FBXO16: variants seen among roughly 807,000 people sequenced by gnomAD.
The protein encoded by FBXO16 is F-box protein 16.
Under a neutral mutation model 41.0 loss-of-function variants are expected in FBXO16, and 31 were observed. That is an observed-to-expected ratio of 0.76 (90% confidence interval 0.57 to 1.02). FBXO16 has a LOEUF of 1.02. Among genes scored for constraint, FBXO16 ranks in the 50% least tolerant of loss-of-function variants. FBXO16 has a pLI of 0.00. For missense variants in FBXO16, 361 were observed against 346.2 expected (o/e 1.04, Z -0.34); for synonymous variants, 133 against 117.8 (o/e 1.13, Z -0.84).
In FBXO16 at chr8:28,456,795, C is replaced by T. The variant is rs777595836; in HGVS notation, c.478G>A (p.Val160Met). ...GGCTTGGTAATATGAAGTTCTTTCACCATTTGAATATAGTGCTTCTTCCAG... is the reference window on the plus strand; with the variant it reads ...GGCTTGGTAATATGAAGTTCTTTCATCATTTGAATATAGTGCTTCTTCCAG... Reference protein sequence around the residue: ...GIWKKHYIQMVKELHITKPKT... With the variant: ...GIWKKHYIQMMKELHITKPKT... Residue 160 changes from valine to methionine, a missense_variant, in exon 5 of 9, where the codon GTG (valine) becomes ATG (methionine). By Grantham distance (21) the Val-to-Met change is conservative. Transcript: ENST00000380254. 1 of 1,614,064 alleles carries T rather than the reference C, an allele frequency of 6.2e-7. No homozygotes were observed. The highest frequency in any genetic ancestry group is 8.5e-7 in the Non-Finnish European group (1 of 1,180,002).
chr8:28,429,340 G>T (rs1398519608), intron 8 of FBXO16, 38 bp downstream of exon 8: 2 of 1,611,384 alleles, frequency 1.2e-6, no homozygotes, highest in Admixed American at 3.3e-5. Flanking sequence ...TCTCTAAAAA[G>T]GCAAATGTCA....
intron 5 of FBXO16, among the ~76,000 whole-genome samples, chr8:28,454,454 C>T (rs972242982): frequency 1.3e-5 from 2 of 151,316 alleles, no homozygotes; most frequent in Non-Finnish European, 2.9e-5. Context: ...TCTGGCCGGG[C>T]GCGGTGGCTG....
Position 28,428,530 on chromosome 8 carries a change from T to C in FBXO16, c.*197A>G. Reference sequence around the variant, plus strand: ...CAGCTCTCCACTGTGCAAAGCATCTTGTCATTTCTATAATAAAAGTCTTTC... The same window carrying C: ...CAGCTCTCCACTGTGCAAAGCATCTCGTCATTTCTATAATAAAAGTCTTTC... On this transcript the variant is annotated 3_prime_UTR_variant, in exon 9 of 9. Coordinates refer to ENST00000380254, the MANE Select transcript of FBXO16 (RefSeq NM_172366.4). 12 of 1,535,502 alleles carry C rather than the reference T, an allele frequency of 7.8e-6. No individual in the cohort carries two copies. The highest frequency in any genetic ancestry group is 1.0e-5 in the Non-Finnish European group (12 of 1,143,756).
intron 1 of FBXO16, 68 bp from the exon 2 acceptor site, chr8:28,483,530 T>C: frequency 2.5e-6 from 3 of 1,196,788 alleles, no homozygotes; most frequent in Non-Finnish European, 3.7e-6. Flanking sequence ...CAAAAATTAC[T>C]AATACCAGCC....
intron 7 of FBXO16, among the ~76,000 whole-genome samples, chr8:28,444,114 G>A (rs1018870144): frequency 1.3e-5 from 2 of 151,998 alleles, no homozygotes; most frequent in African/African-American, 2.4e-5. Flanking sequence ...GACCCTTTCT[G>A]GTAACATTCA....
intron 4 of FBXO16, among the ~76,000 whole-genome samples, chr8:28,459,237 ACT>A (rs1803085080): frequency 6.6e-6 from 1 of 151,948 alleles, no homozygotes. Context: ...AAATTGGGAA[ACT>A]CTATATATAA....
intron 4 of FBXO16, 135 bp from the exon 5 acceptor site, chr8:28,457,065 T>A: frequency 1.2e-6 from 1 of 837,198 alleles, no homozygotes; most frequent in Non-Finnish European, 1.8e-6. Context: ...AACCATAGCT[T>A]AAATGGTTAC....
intron 4 of FBXO16, among the ~76,000 whole-genome samples, chr8:28,461,493 C>T (rs1229168217): frequency 6.6e-6 from 1 of 151,994 alleles, no homozygotes; most frequent in East Asian, 1.9e-4. Context: ...GAGACATCTG[C>T]ATTTCTTTTT....
intron 4 of FBXO16, among the ~76,000 whole-genome samples, chr8:28,461,629 C>T (rs1008138701): frequency 1.3e-5 from 2 of 150,758 alleles, no homozygotes; most frequent in South Asian, 2.1e-4. Flanking sequence ...TGCATGCAAT[C>T]GATTTTTTTC....
At chr8:28,439,974 AT>A (rs34129347) in intron 7 of FBXO16, among the ~76,000 whole-genome samples, 184 of 148,818 alleles carry the variant, frequency 1.2e-3, no homozygotes, top group South Asian at 2.5e-3. Context: ...AATGTAACGG[AT>A]TTTTTTTTTT....
chr8:28,435,262 C>T (rs988375473), intron 7 of FBXO16, among the ~76,000 whole-genome samples: 6 of 151,776 alleles, frequency 4.0e-5, no homozygotes, highest in African/African-American at 1.2e-4. Context: ...CCTCTGCCTC[C>T]CAAGTTCAAG....
chr8:28,483,991 T>TAAA (rs1803560603), intron 1 of FBXO16, among the ~76,000 whole-genome samples: 1 of 152,212 alleles, frequency 6.6e-6, no homozygotes, highest in Non-Finnish European at 1.5e-5. Context: ...TGGTGGGTTT[T>TAAA]AACTCATTTT....
chr8:28,483,883 C>T (rs978508390), intron 1 of FBXO16, among the ~76,000 whole-genome samples: 8 of 152,186 alleles, frequency 5.3e-5, no homozygotes, highest in African/African-American at 1.9e-4. Flanking sequence ...AGCATGTTGG[C>T]AGAGGGAATG....
chr8:28,463,370 A>G (rs1200530070), intron 4 of FBXO16, among the ~76,000 whole-genome samples: 1 of 139,690 alleles, frequency 7.2e-6, no homozygotes, highest in African/African-American at 2.6e-5. Flanking sequence ...ATGTGTGTAT[A>G]TGTGTGTGTT....
chr8:28,480,336 C>T (rs1048233607), intron 2 of FBXO16, among the ~76,000 whole-genome samples: 10 of 152,220 alleles, frequency 6.6e-5, no homozygotes, highest in Admixed American at 2.6e-4. Context: ...GGTTTGATGA[C>T]GGCTTTGCCA....
At chr8:28,450,557 G>A (rs151247286) in intron 6 of FBXO16, among the ~76,000 whole-genome samples, 20 of 152,230 alleles carry the variant, frequency 1.3e-4, no homozygotes, top group South Asian at 6.2e-4. Flanking sequence ...GGGTTGCTCC[G>A]TTTCATTTGT....
intron 1 of FBXO16, among the ~76,000 whole-genome samples, chr8:28,487,953 A>G (rs1487029312): frequency 3.3e-5 from 5 of 151,866 alleles, no homozygotes; most frequent in Non-Finnish European, 7.4e-5. Context: ...CCCAGGTTCA[A>G]GCAATCCTCC....
intron 5 of FBXO16, among the ~76,000 whole-genome samples, chr8:28,453,902 G>C (rs997932872): frequency 6.6e-6 from 1 of 151,986 alleles, no homozygotes; most frequent in Non-Finnish European, 1.5e-5. Context: ...GGTGGCTCAC[G>C]CCTATAATCC....
intron 5 of FBXO16, among the ~76,000 whole-genome samples, chr8:28,453,209 A>AT (rs1405445542): frequency 6.7e-6 from 1 of 149,418 alleles, no homozygotes; most frequent in African/African-American, 2.6e-5. Context: ...CAAAAGTAGT[A>AT]AGTTGGAGGG....
Sources: allele counts gnomAD v4.1 joint callset (sites outside exome capture counted in the v4.1 genomes callset), GRCh38; gene constraint gnomAD v4.1.1; transcripts MANE v1.5; gene names NCBI Gene and HGNC (gene_info 2026-07-23, HGNC 2026-07-21).